DCHS2: variants seen among roughly 807,000 people sequenced by gnomAD.
The protein encoded by DCHS2 is dachsous cadherin-related 2.
A neutral mutation model predicts 182.4 loss-of-function variants in DCHS2; 142 were observed. The observed-to-expected ratio is 0.78, with a 90% CI of 0.68 to 0.89. DCHS2 has a LOEUF of 0.89. Ranked by LOEUF, DCHS2 falls within the 40% of genes least tolerant of loss-of-function variation. The probability of loss-of-function intolerance (pLI) is 0.00; values close to 1 mark genes in which losing one functional copy is unlikely to be tolerated. For synonymous variants in DCHS2, 1,740 were observed against 1,663.3 expected, an observed-to-expected ratio of 1.05 and a Z score of -1.12; for missense variants, 4,319 against 4,198.6, an observed-to-expected ratio of 1.03 and a Z score of -0.79.
intron 1 of DCHS2, among the ~76,000 whole-genome samples, chr4:154,381,198 AT>A (rs1731150866): frequency 6.6e-6 from 1 of 152,058 alleles, no homozygotes; most frequent in Non-Finnish European, 1.5e-5. Context: ...CAATTTACCT[AT>A]TTTAGACAGA....
At chr4:154,381,785 C>T (rs538397637) in intron 1 of DCHS2, among the ~76,000 whole-genome samples, 291 of 151,998 alleles carry the variant, frequency 1.9e-3, no homozygotes, top group African/African-American at 4.5e-3. Context: ...AAATCACAGA[C>T]GACACAAACA....
chr4:154,386,899 G>A (rs933493824), intron 1 of DCHS2, among the ~76,000 whole-genome samples: 5 of 152,200 alleles, frequency 3.3e-5, no homozygotes, highest in East Asian at 3.9e-4. Flanking sequence ...ATCTATTAAC[G>A]AAGCTATATT....
Position 154,322,346 on chromosome 4 carries a change from T to A in DCHS2, c.4161A>T (p.Ala1387=). The change falls in exon 8 of 20, where the codon GCA becomes GCT. Residue 1387 remains alanine (A), a synonymous_variant. Transcript: ENST00000357232. ...ACAACATTACCTGAATATTAACAAC[T>A]GCCTGTCCTTGAAGAGGAGGCACTC... ...DQGVPPLQGQ[A]VVNIQVIPLS... 6.2e-7 allele frequency: 1 copy of A among 1,613,616 alleles called. No individual in the cohort carries two copies. The highest frequency in any genetic ancestry group is 8.5e-7 in the Non-Finnish European group (1 of 1,179,718).
chr4:154,276,626 C>T (rs1354892601), intron 13 of DCHS2, among the ~76,000 whole-genome samples: 1 of 152,172 alleles, frequency 6.6e-6, no homozygotes, highest in East Asian at 1.9e-4. Context: ...TCTGTTATCA[C>T]TTAAGTGTCC....
Position 154,305,217 on chromosome 4 carries a change from G to A in DCHS2, c.5275C>T (p.Leu1759Phe). The A allele has an allele frequency of 6.2e-7, 1 of 1,609,264 alleles. No individual in the cohort carries two copies. Among genetic ancestry groups the A allele is most frequent in the East Asian group, 2.2e-5 (1 of 44,736 alleles). ...GCACCTGGCATGATTTCAAACTGAA[G>A]CTTGGAATTGACTCCTTAAGAAAAA... ...LDRDSGVNSK[L>F]QFEIMPGASF... The change falls in exon 11 of 20, where the codon CTT (leucine) becomes TTT (phenylalanine). Residue 1759 changes from leucine to phenylalanine, a missense_variant. Physicochemically the swap from Leu to Phe is conservative, Grantham distance 22. Coordinates refer to ENST00000357232, the MANE Select transcript of DCHS2 (RefSeq NM_001358235.2).
At chr4:154,414,943 C>T (rs6536005) in intron 1 of DCHS2, among the ~76,000 whole-genome samples, 14,372 of 152,152 alleles carry the variant, frequency 0.094, 1,002 homozygotes, top group African/African-American at 0.2. Context: ...GAAGTACTTG[C>T]CTTCCTTGAC....
chr4:154,272,114 G>A (rs932833790), intron 13 of DCHS2: 2 of 151,952 alleles, frequency 1.3e-5, no homozygotes, highest in African/African-American at 4.8e-5. Flanking sequence ...AATTGTTATT[G>A]CAGAGTAATA....
chr4:154,262,653 T>A (rs150783707), intron 14 of DCHS2, among the ~76,000 whole-genome samples: 1 of 152,348 alleles, frequency 6.6e-6, no homozygotes, highest in East Asian at 1.9e-4. Flanking sequence ...AAATGCTACA[T>A]GCTTGATAAC....
intron 1 of DCHS2, among the ~76,000 whole-genome samples, chr4:154,433,739 T>C (rs1733660903): frequency 6.6e-6 from 1 of 152,184 alleles, no homozygotes; most frequent in African/African-American, 2.4e-5. Context: ...ATTTGTTGCA[T>C]AGCCCTAGGC....
In DCHS2 at chr4:154,463,619, C is replaced by T. The variant is rs200416247; in HGVS notation, c.2052+25685G>A. Among the ~76,000 whole-genome samples, 3 of 152,068 alleles carry T rather than the reference C, an allele frequency of 2.0e-5. No individual in the cohort carries two copies. The East Asian group carries it at 5.8e-4, about 29-fold the overall frequency. On this transcript the variant is annotated intron_variant, in intron 1 of 19. Coordinates refer to ENST00000357232, the MANE Select transcript of DCHS2 (RefSeq NM_001358235.2). Reference sequence around the variant, plus strand: ...TTAAAATGCTAATAGAAATGTATCCCTTAAGTCTTAGTACAAATAGTACAG... The same window carrying T: ...TTAAAATGCTAATAGAAATGTATCCTTTAAGTCTTAGTACAAATAGTACAG...
At chr4:154,302,591 C>A (rs1180414844) in intron 12 of DCHS2, among the ~76,000 whole-genome samples, 2 of 152,158 alleles carry the variant, frequency 1.3e-5, no homozygotes, top group East Asian at 3.9e-4. Flanking sequence ...TGGCAGGCAG[C>A]TTTGCCAATC....
chr4:154,429,287 A>AT (rs1264226981), intron 1 of DCHS2, among the ~76,000 whole-genome samples: 2 of 152,050 alleles, frequency 1.3e-5, no homozygotes, highest in African/African-American at 4.8e-5. Context: ...ACTGTTCATC[A>AT]TTTTTTTGGC....
chr4:154,432,438 G>A (rs1324112901), intron 1 of DCHS2, among the ~76,000 whole-genome samples: 14 of 152,102 alleles, frequency 9.2e-5, no homozygotes, highest in Admixed American at 1.3e-4. Flanking sequence ...AAGTTGTGTT[G>A]TAATAACAAC....
At chr4:154,389,516 T>TTATATATATATATATATATATATACA (rs72440696) in intron 1 of DCHS2, among the ~76,000 whole-genome samples, 1 of 111,132 alleles carries the variant, frequency 9.0e-6, no homozygotes, top group Non-Finnish European at 2.0e-5. Context: ...AAGACAAAGG[T>TTATATATATATATATATATATATACA]TATATATATA....
intron 1 of DCHS2, among the ~76,000 whole-genome samples, chr4:154,488,151 T>C (rs1728655279): frequency 6.6e-6 from 1 of 152,038 alleles, no homozygotes; most frequent in Non-Finnish European, 1.5e-5. Flanking sequence ...GTACTCCATT[T>C]TGGGCCACAA....
In DCHS2 at chr4:154,345,226, T is replaced by C. The variant is rs1022189044; in HGVS notation, c.2477-10122A>G. Among the ~76,000 whole-genome samples, 4 of 152,342 alleles carry C rather than the reference T, an allele frequency of 2.6e-5. No individual in the cohort carries two copies. In the South Asian group the frequency reaches 6.2e-4, roughly 24 times the overall value. On this transcript the variant is annotated intron_variant, in intron 3 of 19. Coordinates refer to ENST00000357232, the MANE Select transcript of DCHS2 (RefSeq NM_001358235.2). Reference sequence around the variant, plus strand: ...TGATGACGCCAAATGTTTAGCTTAGTTCCCCCAGCCTAGGGGTGATAGTTG... The same window carrying C: ...TGATGACGCCAAATGTTTAGCTTAGCTCCCCCAGCCTAGGGGTGATAGTTG...
At chr4:154,306,720 G>T (rs75429747) in intron 10 of DCHS2, among the ~76,000 whole-genome samples, 2,501 of 152,020 alleles carry the variant, frequency 0.016, 65 homozygotes, top group East Asian at 0.11. Context: ...TATTTTATAT[G>T]ATTTTCTTAC....
At chr4:154,375,394 G>A (rs143434224) in intron 2 of DCHS2, among the ~76,000 whole-genome samples, 298 of 152,100 alleles carry the variant, frequency 2.0e-3, no homozygotes, top group Middle Eastern at 6.8e-3. Context: ...GGCCAGCCAC[G>A]GAATGGGAGA....
chr4:154,386,994 T>G, intron 1 of DCHS2, among the ~76,000 whole-genome samples: 1 of 152,140 alleles, frequency 6.6e-6, no homozygotes, highest in African/African-American at 2.4e-5. Flanking sequence ...AAGAAAACTA[T>G]CTCAAAGCAT....
Sources: allele counts gnomAD v4.1 joint callset (sites outside exome capture counted in the v4.1 genomes callset), GRCh38; gene constraint gnomAD v4.1.1; transcripts MANE v1.5; gene names NCBI Gene and HGNC (gene_info 2026-07-23, HGNC 2026-07-21).